ATP6V1G1: variants seen among roughly 807,000 people sequenced by gnomAD.
ATP6V1G1 encodes the protein V-type proton ATPase subunit G 1.
Under a neutral mutation model 14.2 loss-of-function variants are expected in ATP6V1G1, and 14 were observed. The ratio of observed to expected loss-of-function variants is 0.99; its 90% CI spans 0.65 to 1.55. The LOEUF (loss-of-function observed/expected upper bound fraction) is 1.55. Among genes scored for constraint, ATP6V1G1 ranks in the 40% most tolerant of loss-of-function variants. ATP6V1G1 has a pLI of 0.00. For missense variants in ATP6V1G1, 137 were observed against 146.4 expected (o/e 0.94, Z 0.33); for synonymous variants, 65 against 53.3 (o/e 1.22, Z -0.96).
At chr9:114,595,234 C>G (rs1845226145) in intron 2 of ATP6V1G1, among the ~76,000 whole-genome samples, 1 of 152,126 alleles carries the variant, frequency 6.6e-6, no homozygotes. Context: ...CTTAGCGGAG[C>G]TTGGCGTATG....
At chr9:114,592,233 G>A (rs1014922536) in intron 1 of ATP6V1G1, among the ~76,000 whole-genome samples, 1 of 152,170 alleles carries the variant, frequency 6.6e-6, no homozygotes, top group African/African-American at 2.4e-5. Flanking sequence ...GATGGTTAAT[G>A]TTACTCATTT....
chr9:114,594,539 A>G (rs920841541), intron 2 of ATP6V1G1, among the ~76,000 whole-genome samples: 1 of 151,642 alleles, frequency 6.6e-6, no homozygotes, highest in Non-Finnish European at 1.5e-5. Flanking sequence ...GTGCGCCACC[A>G]TGCCCGGCTA....
At chr9:114,588,537 G>GTT (rs1845152067) in intron 1 of ATP6V1G1, among the ~76,000 whole-genome samples, 1 of 143,904 alleles carries the variant, frequency 6.9e-6, no homozygotes, top group South Asian at 2.2e-4. Flanking sequence ...GTGTGTGTGT[G>GTT]TGTTTCTGTC....
intron 2 of ATP6V1G1, among the ~76,000 whole-genome samples, chr9:114,593,515 A>G (rs1311865472): frequency 2.0e-5 from 3 of 152,124 alleles, no homozygotes; most frequent in Non-Finnish European, 4.4e-5. Flanking sequence ...TCTTTTTAAG[A>G]GACAGAGTCA....
At chr9:114,593,622 G>C (rs1236081000) in intron 2 of ATP6V1G1, among the ~76,000 whole-genome samples, 2 of 152,108 alleles carry the variant, frequency 1.3e-5, no homozygotes, top group African/African-American at 4.8e-5. Flanking sequence ...CCAGCCTTCT[G>C]AGTAGCTAGG....
chr9:114,588,866 C>A (rs1472736655), intron 1 of ATP6V1G1, among the ~76,000 whole-genome samples: 2 of 150,036 alleles, frequency 1.3e-5, no homozygotes, highest in African/African-American at 5.1e-5. Flanking sequence ...ATTTCCCTAC[C>A]GCCTTTGTAG....
At chr9:114,589,791 G>A (rs1469066799) in intron 1 of ATP6V1G1, among the ~76,000 whole-genome samples, 1 of 152,146 alleles carries the variant, frequency 6.6e-6, no homozygotes, top group Non-Finnish European at 1.5e-5. Flanking sequence ...CTTGGAATAG[G>A]TAAGAATAAT....
intron 1 of ATP6V1G1, 183 bp downstream of exon 1, chr9:114,588,103 G>C (rs1191857479): frequency 1.5e-6 from 1 of 651,370 alleles, no homozygotes; most frequent in African/African-American, 1.8e-5. Flanking sequence ...TCGCCTGGAA[G>C]CCACGATGTG....
At chr9:114,595,965 G>C (rs1845233542) in intron 2 of ATP6V1G1, among the ~76,000 whole-genome samples, 1 of 152,052 alleles carries the variant, frequency 6.6e-6, no homozygotes, top group African/African-American at 2.4e-5. Context: ...AAAAAGTTAC[G>C]TCTTCCAGAA....
In ATP6V1G1 at chr9:114,590,145, C is replaced by T. The variant is rs577065638; in HGVS notation, c.82+2225C>T. Among the ~76,000 whole-genome samples the T allele has an allele frequency of 5.5e-5, 8 of 144,148 alleles. No individual in the cohort carries two copies. The East Asian group carries it at 1.1e-3, about 20-fold the overall frequency. 94.6% of individuals were successfully genotyped at this position (144,148 alleles called of 152,430 possible). A position where few individuals can be genotyped will look rare whatever the true frequency, so the allele number is the denominator to read the frequency against. On this transcript the variant is annotated intron_variant, in intron 1 of 2. Coordinates refer to ENST00000374050, the MANE Select transcript of ATP6V1G1 (RefSeq NM_004888.4). The stretch of plus-strand genomic sequence containing the variant: ...CCCAGGAGGCAGAGGTTGCAGTGAG[C>T]GGAGATCTGTCCCACAGCACTCCAG...
chr9:114,594,193 C>T (rs1177449877), intron 2 of ATP6V1G1, among the ~76,000 whole-genome samples: 2 of 151,880 alleles, frequency 1.3e-5, no homozygotes, highest in African/African-American at 2.4e-5. Context: ...CCTCAACCTC[C>T]CGAGTAGCTG....
chr9:114,593,807 G>A (rs555664670), intron 2 of ATP6V1G1, among the ~76,000 whole-genome samples: 74 of 152,130 alleles, frequency 4.9e-4, no homozygotes, highest in South Asian at 2.5e-3. Flanking sequence ...CCATTAAAAC[G>A]TGGCTGGGCA....
chr9:114,596,840 A>C (rs962995544), intron 2 of ATP6V1G1, among the ~76,000 whole-genome samples: 7 of 152,078 alleles, frequency 4.6e-5, no homozygotes, highest in African/African-American at 1.4e-4. Context: ...CATACTAACC[A>C]CATTGATACT....
chr9:114,588,149 A>T, intron 1 of ATP6V1G1: 1 of 578,920 alleles, frequency 1.7e-6, no homozygotes, highest in Non-Finnish European at 3.1e-6. Flanking sequence ...ATAATGGGTT[A>T]CCGTCCTTGG....
At chr9:114,596,699 TC>T (rs1845241797) in intron 2 of ATP6V1G1, among the ~76,000 whole-genome samples, 1 of 152,110 alleles carries the variant, frequency 6.6e-6, no homozygotes, top group African/African-American at 2.4e-5. Flanking sequence ...CAAGTCATGA[TC>T]CTCCTGCTTC....
At chr9:114,592,239 C>T (rs1194206429) in intron 1 of ATP6V1G1, among the ~76,000 whole-genome samples, 2 of 152,132 alleles carry the variant, frequency 1.3e-5, no homozygotes, top group African/African-American at 2.4e-5. Context: ...TAATGTTACT[C>T]ATTTTATGTT....
intron 2 of ATP6V1G1, among the ~76,000 whole-genome samples, chr9:114,594,986 A>G (rs1006926940): frequency 1.3e-5 from 2 of 148,362 alleles, no homozygotes; most frequent in African/African-American, 5.0e-5. Context: ...CAGCCTCCCA[A>G]GTAGCTGGGA....
intron 2 of ATP6V1G1, among the ~76,000 whole-genome samples, chr9:114,596,497 ATTC>A (rs1564275386): frequency 6.6e-6 from 1 of 151,470 alleles, no homozygotes; most frequent in Non-Finnish European, 1.5e-5. Context: ...TTCTTTTTTT[ATTC>A]TTCTAGAATA....
At chr9:114,594,429 G>T (rs1446086768) in intron 2 of ATP6V1G1, among the ~76,000 whole-genome samples, 1 of 150,932 alleles carries the variant, frequency 6.6e-6, no homozygotes, top group East Asian at 1.9e-4. Context: ...TGTCACCCAG[G>T]CTGGAGCGCA....
Sources: gnomAD v4.1 joint callset for allele counts (sites outside exome capture counted in the v4.1 genomes callset) on GRCh38, gnomAD v4.1.1 for gene constraint, MANE v1.5 for transcripts, NCBI Gene and HGNC (gene_info 2026-07-23, HGNC 2026-07-21) for gene names.